The following ITPR3 variants were observed in gnomAD, a reference collection of about 807,000 sequenced individuals.
ITPR3 encodes the protein inositol 1,4,5-trisphosphate receptor type 3.
A neutral mutation model predicts 293.2 loss-of-function variants in ITPR3; 173 were observed. The ratio of observed to expected loss-of-function variants is 0.59; its 90% CI spans 0.52 to 0.67. The LOEUF (loss-of-function observed/expected upper bound fraction) is 0.67, where lower values mean the gene tolerates loss of function less well. Ranked by LOEUF, ITPR3 falls within the 30% of genes least tolerant of loss-of-function variation. The pLI is 0.00. For synonymous variants in ITPR3, 1,295 were observed against 1,444.4 expected, an observed-to-expected ratio of 0.90 and a Z score of 2.35; for missense variants, 2,796 against 3,592.1, an observed-to-expected ratio of 0.78 and a Z score of 5.66.
rs376933400 is a variant in ITPR3, at chr6:33,669,118, C to T, written c.2151C>T (p.Ala717=). Residue 717 remains alanine (A), a synonymous_variant, in exon 18 of 58, where the codon GCC becomes GCT. Transcript: ENST00000605930. ...GGCAGCTGGCCCAGGAGGCGCGGGC[C>T]GGCAACGCCCACGACGAGAATGTGC... is the stretch of plus-strand genomic sequence containing the variant. ...SVRQLAQEAR[A]GNAHDENVLS... is the part of the protein sequence containing the mutation. 65 of 1,614,118 alleles carry T rather than the reference C, an allele frequency of 4.0e-5. No individual in the cohort carries two copies. In the South Asian group the frequency reaches 4.3e-4, roughly 11 times the overall value.
chr6:33,674,235 G>T lies in ITPR3; in HGVS notation c.3086G>T (p.Gly1029Val), dbSNP rs2296333. The change falls in exon 24 of 58, where the codon GGG becomes GTG. Residue 1029 changes from glycine to valine, a missense_variant. This residue lies in a region of ITPR3 where 955 missense variants were observed against 1,180.8 expected (regional missense o/e 0.81). Transcript: ENST00000605930. ...GCCAACATGAACCTGGATCGCATCG[G>T]GGAGCAGGCGGAGGCCATGTTTGGA... ...TTANMNLDRI[G>V]EQAEAMFGVG... 3.4e-4 allele frequency: 547 copies of T among 1,614,112 alleles called. 2 individuals carry two copies. The East Asian group carries it at 0.011, about 33-fold the overall frequency.
rs1763695070 is a variant in ITPR3 at position 33,632,028 on chromosome 6, C to CT, written c.90-8455dup. Among the ~76,000 whole-genome samples the CT allele has an allele frequency of 6.6e-6, 1 of 152,172 alleles. No individual in the cohort carries two copies. Among genetic ancestry groups the CT allele is most frequent in the South Asian group, 2.1e-4 (1 of 4,826 alleles). ...AATTTGTATTATGACTATTCTTATT[C>CT]TATTTTTTTTATTATACTGAAACAG... On this transcript the variant is annotated intron_variant, in intron 1 of 57. Transcript: ENST00000605930. The surrounding 1 kb of genome is among the most constrained non-coding windows in gnomAD (Gnocchi z 4.1).
rs1287574031 is a variant in ITPR3, at chr6:33,667,147, G to A, written c.1570G>A (p.Ala524Thr). 3.7e-6 allele frequency: 6 copies of A among 1,614,010 alleles called. No homozygotes were observed. The highest frequency in any genetic ancestry group is 1.3e-5 in the African/African-American group (1 of 74,918). ...CCCCCAGGTCTTTGGCATTCTGAAG[G>A]CCCCGTTCCGTGAGAAGGGGGGTGA... ...ILKQVFGILKAPFREKGGEGP... is the reference protein window; with the variant it reads ...ILKQVFGILKTPFREKGGEGP... Residue 524 changes from alanine to threonine, a missense_variant, in exon 15 of 58, where the codon GCC becomes ACC. Transcript: ENST00000605930. This position sits in a 1 kb window ranked among gnomAD's most constrained non-coding sequence, Gnocchi z 4.4.
At chr6:33,660,681 C>T (rs1288914524) in intron 7 of ITPR3, among the ~76,000 whole-genome samples, 2 of 152,188 alleles carry the variant, frequency 1.3e-5, no homozygotes, top group Admixed American at 6.5e-5. Context: ...GTAATCCCAG[C>T]ACTTTGGGAG....
In ITPR3 at chr6:33,621,656, C is replaced by A. The variant is rs762472112; in HGVS notation, c.54C>A (p.Ala18=). 6.2e-7 allele frequency: 1 copy of A among 1,610,774 alleles called. No individual in the cohort carries two copies. ...TCGGGGACATCGTCTCCCTGTACGC[C>A]GAGGGCTCCGTCAATGGCTTCATCA... The part of the protein sequence containing the change: ...LHIGDIVSLY[A]EGSVNGFIST... The change falls in exon 1 of 58, where the codon GCC becomes GCA. Residue 18 remains alanine (A), a synonymous_variant. Coordinates refer to ENST00000605930, the MANE Select transcript of ITPR3 (RefSeq NM_002224.4). This position sits in a 1 kb window ranked among gnomAD's most constrained non-coding sequence, Gnocchi z 7.7.
rs148127945 is a variant in ITPR3 at position 33,677,578 on chromosome 6, C to T, written c.3597C>T (p.Asn1199=). 2.4e-4 allele frequency: 391 copies of T among 1,614,062 alleles called. 2 individuals are homozygous for T. The African/African-American group carries it at 3.8e-3, about 16-fold the overall frequency. Reference sequence around the variant, plus strand: ...AGAAGCAGCAACGGCTGCTGAAGAACATGGATGCCCACAAGGTCATGCTGG... The same window carrying T: ...AGAAGCAGCAACGGCTGCTGAAGAATATGGATGCCCACAAGGTCATGCTGG... The part of the protein sequence containing the change: ...MRKKQQRLLK[N]MDAHKVMLDL... The change falls in exon 28 of 58, where the codon AAC becomes AAT. Residue 1199 remains asparagine (N), a synonymous_variant. Transcript: ENST00000605930.
chr6:33,668,948 T>A, intron 17 of ITPR3, 26 bp from the exon 18 acceptor site: 1 of 1,609,572 alleles, frequency 6.2e-7, no homozygotes, highest in Non-Finnish European at 8.5e-7. Flanking sequence ...CCTGGCTCCC[T>A]GTGACAGGTT....
chr6:33,693,626 T>C lies in ITPR3; in HGVS notation c.7706T>C (p.Leu2569Ser), dbSNP rs1203167633. 1 of 1,614,106 alleles carries C rather than the reference T, an allele frequency of 6.2e-7. No homozygotes were observed. Among genetic ancestry groups the C allele is most frequent in the African/African-American group, 1.3e-5 (1 of 74,934 alleles). ...CTGGAGCACAACATGTGGAACTACT[T>C]GTACTTCATTGTGCTGGTCCGCGTG... is the stretch of plus-strand genomic sequence containing the variant. ...IKLEHNMWNY[L>S]YFIVLVRVKN... The change falls in exon 56 of 58, where the codon TTG (leucine) becomes TCG (serine). Residue 2569 changes from leucine to serine, a missense_variant. By Grantham distance (145) the Leu-to-Ser change is moderately radical (BLOSUM62 -2). Coordinates refer to ENST00000605930, the MANE Select transcript of ITPR3 (RefSeq NM_002224.4).
chr6:33,622,862 C>G (rs1359619196), intron 1 of ITPR3, among the ~76,000 whole-genome samples: 1 of 152,184 alleles, frequency 6.6e-6, no homozygotes, highest in Non-Finnish European at 1.5e-5. Flanking sequence ...GATTGGAGGG[C>G]TGGCTCTGCC....
chr6:33,691,874 T>C lies in ITPR3; in HGVS notation c.7404T>C (p.His2468=), dbSNP rs373123185. 3.7e-5 allele frequency: 60 copies of C among 1,613,942 alleles called. No homozygotes were observed. Among genetic ancestry groups the C allele is most frequent in the Non-Finnish European group, 4.8e-5 (57 of 1,180,010 alleles). The part of the protein sequence containing the change: ...LLMCIVTVMN[H]GLRNGGGVGD... ...TGTGCATCGTCACTGTCATGAACCA[T>C]GGGCTACGCAACGGTGGTGGCGTGG... is the stretch of plus-strand genomic sequence containing the variant. Residue 2468 remains histidine (H), a synonymous_variant, in exon 54 of 58, where the codon CAT becomes CAC. Coordinates refer to ENST00000605930, the MANE Select transcript of ITPR3 (RefSeq NM_002224.4). This position sits in a 1 kb window ranked among gnomAD's most constrained non-coding sequence, Gnocchi z 4.9.
In ITPR3 at chr6:33,693,593, A is replaced by G. The variant is rs1765454002; in HGVS notation, c.7673A>G (p.His2558Arg). 1.2e-6 allele frequency: 2 copies of G among 1,614,078 alleles called. No homozygotes were observed. The highest frequency in any genetic ancestry group is 3.3e-5 in the Admixed American group (2 of 60,010). The change falls in exon 56 of 58, where the codon CAC becomes CGC. Residue 2558 changes from histidine (H) to arginine (R), a missense_variant. Around this residue, in one of 8 missense-constraint regions of ITPR3, gnomAD observed 568 missense variants for 796.1 expected, o/e 0.71. Coordinates refer to ENST00000605930, the MANE Select transcript of ITPR3 (RefSeq NM_002224.4). ...FDNKTVSFEE[H>R]IKLEHNMWNY... ...AACAAGACAGTGTCATTTGAGGAAC[A>G]CATCAAGCTGGAGCACAACATGTGG...
rs149682497 is a variant in ITPR3 at position 33,672,044 on chromosome 6, G to A, written c.2744G>A (p.Arg915Gln). ...YEDPGGKNVR[R>Q]SIQGVGHMMS... ...CCCTCCACAGGCAAGAATGTGCGGC[G>A]GTCCATCCAGGGCGTGGGGCACATG... The change falls in exon 22 of 58, where the codon CGG becomes CAG. Residue 915 changes from arginine to glutamine, a missense_variant. Physicochemically the swap from Arg to Gln is conservative, Grantham distance 43. Coordinates refer to ENST00000605930, the MANE Select transcript of ITPR3 (RefSeq NM_002224.4). This position sits in a 1 kb window ranked among gnomAD's most constrained non-coding sequence, Gnocchi z 5.0. 7 of 1,606,188 alleles carry A rather than the reference G, an allele frequency of 4.4e-6. No individual in the cohort carries two copies. The highest frequency in any genetic ancestry group is 2.2e-5 in the South Asian group (2 of 90,350).
chr6:33,667,182 G>C lies in ITPR3; in HGVS notation c.1605G>C (p.Leu535=), dbSNP rs770726744. The change falls in exon 15 of 58, where the codon CTG becomes CTC. Residue 535 remains leucine (L), a synonymous_variant. Transcript: ENST00000605930. The surrounding 1 kb of genome is among the most constrained non-coding windows in gnomAD (Gnocchi z 4.4). The part of the protein sequence containing the change: ...PFREKGGEGP[L]VRLEELSDQK... ...GTGAGAAGGGGGGTGAAGGTCCCCT[G>C]GTGCGGCTGGAGGAGCTGTCAGACC... The C allele has an allele frequency of 1.2e-6, 2 of 1,614,168 alleles. No individual in the cohort carries two copies. The highest frequency in any genetic ancestry group is 1.7e-6 in the Non-Finnish European group (2 of 1,180,006).
chr6:33,658,972 C>T lies in ITPR3; in HGVS notation c.529-49C>T. On this transcript the variant is annotated intron_variant, in intron 5 of 57. Coordinates refer to ENST00000605930, the MANE Select transcript of ITPR3 (RefSeq NM_002224.4). The surrounding 1 kb of genome is among the most constrained non-coding windows in gnomAD (Gnocchi z 6.1). ...AAAGGGAGGCCTGGAGGCGTGGTGACAAGAGGGCCCTGCCCTTCCCACCTA... is the reference window on the plus strand; with the variant it reads ...AAAGGGAGGCCTGGAGGCGTGGTGATAAGAGGGCCCTGCCCTTCCCACCTA... The T allele has an allele frequency of 1.2e-6, 2 of 1,604,184 alleles. No individual in the cohort carries two copies. Among genetic ancestry groups the T allele is most frequent in the Non-Finnish European group, 1.7e-6 (2 of 1,171,296 alleles).
chr6:33,688,688 A>G lies in ITPR3; in HGVS notation c.6601A>G (p.Met2201Val), dbSNP rs774072031. Residue 2201 changes from methionine (M) to valine (V), a missense_variant, in exon 49 of 58, where the codon ATG (methionine) becomes GTG (valine). Physicochemically the swap from Met to Val is conservative, Grantham distance 21. Around this residue, in one of 8 missense-constraint regions of ITPR3, gnomAD observed 568 missense variants for 796.1 expected, o/e 0.71. Transcript: ENST00000605930. ...MPLIYWFSRR[M>V]TLWGSISFNL... ...GCTGATCTACTGGTTCTCCCGCCGCATGACCCTGTGGGGCAGCATCTCCTT... is the reference window on the plus strand; with the variant it reads ...GCTGATCTACTGGTTCTCCCGCCGCGTGACCCTGTGGGGCAGCATCTCCTT... The G allele has an allele frequency of 1.2e-6, 2 of 1,614,140 alleles. No homozygotes were observed. The highest frequency in any genetic ancestry group is 1.7e-5 in the Admixed American group (1 of 60,028).
intron 39 of ITPR3, 129 bp from the exon 40 acceptor site, chr6:33,685,230 C>A: frequency 1.1e-6 from 1 of 950,078 alleles, no homozygotes; most frequent in Non-Finnish European, 1.6e-6. Flanking sequence ...TGCTAGCCAC[C>A]AGCACCCAGG....
rs1764626939 is a variant in ITPR3, at chr6:33,667,021, G to A, written c.1552-108G>A. ...AGAATCAGCTCGAAGCTGATGTCCG[G>A]GCTGGCTTTAGGGCAGAGTCAGTTG... On this transcript the variant is annotated intron_variant, in intron 14 of 57. Transcript: ENST00000605930. This position sits in a 1 kb window ranked among gnomAD's most constrained non-coding sequence, Gnocchi z 4.4. 3.0e-6 allele frequency: 4 copies of A among 1,312,660 alleles called. No individual in the cohort carries two copies. The highest frequency in any genetic ancestry group is 4.2e-6 in the Non-Finnish European group (4 of 943,896). 81.3% of individuals were successfully genotyped at this position (1,312,660 alleles called of 1,614,324 possible).
At chr6:33,686,745 T>G (rs555250074) in intron 43 of ITPR3, among the ~76,000 whole-genome samples, 33 of 152,280 alleles carry the variant, frequency 2.2e-4, no homozygotes, top group African/African-American at 7.7e-4. Context: ...TGCAAATATA[T>G]TCTGGTTTAG....
rs758292792 is a variant in ITPR3 at position 33,670,314 on chromosome 6, C to G, written c.2190-11C>G. ...ATCTGCCGTGTCCTCACAGTCCTCC[C>G]TGTCCTGCAGGTACCAGCTGAAGCT... On this transcript the variant is annotated splice_polypyrimidine_tract_variant and intron_variant, in intron 18 of 57. Transcript: ENST00000605930. The surrounding 1 kb of genome is among the most constrained non-coding windows in gnomAD (Gnocchi z 6.7). 62 of 1,613,780 alleles carry G rather than the reference C, an allele frequency of 3.8e-5. 1 individual carries two copies. Among genetic ancestry groups the G allele is most frequent in the Middle Eastern group, 1.6e-4 (1 of 6,084 alleles).
Sources: gnomAD v4.1 joint callset for allele counts (sites outside exome capture counted in the v4.1 genomes callset) on GRCh38, gnomAD v4.1.1 for gene constraint, gnomAD v4.1.1 regional missense constraint, Gnocchi (gnomAD v3.1) non-coding constraint, MANE v1.5 for transcripts, NCBI Gene and HGNC (gene_info 2026-07-23, HGNC 2026-07-21) for gene names.